Variants in GABRA2 observed in about 807,000 individuals in gnomAD.
The protein encoded by GABRA2 is gamma-aminobutyric acid type A receptor subunit alpha2.
GABRA2 carries 16 observed loss-of-function variants against 48.7 expected under a neutral mutation model. The observed-to-expected ratio is 0.33, with a 90% CI of 0.22 to 0.50. The LOEUF (loss-of-function observed/expected upper bound fraction) is 0.50. Ranked by LOEUF, GABRA2 falls within the 20% of genes least tolerant of loss-of-function variation. The probability of loss-of-function intolerance (pLI) is 0.98; values close to 1 mark genes in which losing one functional copy is unlikely to be tolerated. For missense variants in GABRA2, 275 were observed against 535.6 expected (o/e 0.51, Z 4.80); for synonymous variants, 185 against 184.5 (o/e 1.00, Z -0.02).
At chr4:46,308,607 A>G (rs561404529) in intron 6 of GABRA2, among the ~76,000 whole-genome samples, 30 of 152,338 alleles carry the variant, frequency 2.0e-4, no homozygotes, top group South Asian at 4.1e-4. Flanking sequence ...AGTGTCAGAA[A>G]ATAAATGTGA....
chr4:46,345,952 G>A (rs947577422), intron 3 of GABRA2, among the ~76,000 whole-genome samples: 1 of 151,878 alleles, frequency 6.6e-6, no homozygotes, highest in Non-Finnish European at 1.5e-5. Flanking sequence ...AGTAAATCAG[G>A]CTGTAGATGA....
intron 3 of GABRA2, among the ~76,000 whole-genome samples, chr4:46,377,160 G>C (rs565092633): frequency 2.6e-5 from 4 of 151,418 alleles, no homozygotes; most frequent in Non-Finnish European, 5.9e-5. Flanking sequence ...CCGCCACCCC[G>C]TCTGGGAAGT....
At position 46,246,158 on chromosome 4, in the gene GABRA2, T is replaced by C. The variant is rs1479642414; in HGVS notation, c.*4150A>G. On this transcript the variant is annotated 3_prime_UTR_variant, in exon 10 of 10. Coordinates refer to ENST00000381620, the MANE Select transcript of GABRA2 (RefSeq NM_000807.4). The stretch of plus-strand genomic sequence containing the variant: ...TGTGTGTCTACATATGTATAATTTA[T>C]CTACTTTCTCGGAAGTTAAAAAGGG... Among the ~76,000 whole-genome samples, 7 of 151,116 alleles carry C rather than the reference T, an allele frequency of 4.6e-5. No individual in the cohort carries two copies. The Admixed American group carries it at 4.6e-4, about 10-fold the overall frequency.
chr4:46,370,076 A>C (rs182849958), intron 3 of GABRA2, among the ~76,000 whole-genome samples: 1 of 152,234 alleles, frequency 6.6e-6, no homozygotes, highest in Non-Finnish European at 1.5e-5. Flanking sequence ...AGATGGAACC[A>C]AAAAAGTGAA....
At chr4:46,260,033 T>C (rs1464602791) in intron 9 of GABRA2, among the ~76,000 whole-genome samples, 3 of 151,108 alleles carry the variant, frequency 2.0e-5, no homozygotes, top group South Asian at 2.1e-4. Flanking sequence ...CATTATAAGT[T>C]TTTTTTTTAC....
chr4:46,313,193 A>ATTTTT (rs1727964861), intron 4 of GABRA2, among the ~76,000 whole-genome samples: 13 of 150,604 alleles, frequency 8.6e-5, no homozygotes, highest in African/African-American at 3.1e-4. Flanking sequence ...AACATAACAG[A>ATTTTT]AAAAATTAAA....
intron 5 of GABRA2, among the ~76,000 whole-genome samples, chr4:46,311,414 T>C: frequency 6.6e-6 from 1 of 152,224 alleles, no homozygotes; most frequent in East Asian, 1.9e-4. Context: ...CGTGTTTCTG[T>C]CTATATATAA....
In GABRA2 at chr4:46,245,638, A is replaced by G. The variant is rs969005574; in HGVS notation, c.*4670T>C. On this transcript the variant is annotated 3_prime_UTR_variant, in exon 10 of 10. Transcript: ENST00000381620. Reference sequence around the variant, plus strand: ...TCCATTAATAAAACAAATTGTTTAGATATCATAAATTTATCTGAATTTCTC... The same window carrying G: ...TCCATTAATAAAACAAATTGTTTAGGTATCATAAATTTATCTGAATTTCTC... 6.6e-6 allele frequency among the ~76,000 whole-genome samples: 1 copy of G among 151,298 alleles called. No individual in the cohort carries two copies. The highest frequency in any genetic ancestry group is 1.5e-5 in the Non-Finnish European group (1 of 67,490).
intron 9 of GABRA2, chr4:46,260,963 C>T (rs1475206790): frequency 2.0e-5 from 3 of 151,802 alleles, no homozygotes; most frequent in Non-Finnish European, 2.9e-5. Context: ...AAAATATATT[C>T]AAATAACTGA....
chr4:46,250,909 G>A (rs912791347), intron 9 of GABRA2, among the ~76,000 whole-genome samples: 2 of 151,512 alleles, frequency 1.3e-5, no homozygotes, highest in Non-Finnish European at 3.0e-5. Context: ...TTTCTCATGA[G>A]TCAGTCAAGT....
intron 8 of GABRA2, among the ~76,000 whole-genome samples, chr4:46,278,044 AT>A (rs1430901775): frequency 7.9e-5 from 12 of 152,200 alleles, no homozygotes; most frequent in Admixed American, 2.0e-4. Context: ...GATATAAAAA[AT>A]GTAAGAAGTA....
chr4:46,389,857 GA>G lies in GABRA2; in HGVS notation c.-134del, dbSNP rs1718017176. The stretch of plus-strand genomic sequence containing the variant: ...AGAGAGAGAGAGAGAGAGAGAGAGA[GA>G]GAGACCGAGACTGCAGCAGCCAAGA... On this transcript the variant is annotated 5_prime_UTR_variant, in exon 1 of 10. Coordinates refer to ENST00000381620, the MANE Select transcript of GABRA2 (RefSeq NM_000807.4). 1 of 958,266 alleles carries G rather than the reference GA, an allele frequency of 1.0e-6. No individual in the cohort carries two copies. Among genetic ancestry groups the G allele is most frequent in the African/African-American group, 1.9e-5 (1 of 52,020 alleles). 59.4% of individuals were successfully genotyped at this position (958,266 alleles called of 1,614,324 possible).
At chr4:46,357,266 TAATCTGATCTCTGGA>T (rs539762892) in intron 3 of GABRA2, among the ~76,000 whole-genome samples, 1 of 151,710 alleles carries the variant, frequency 6.6e-6, no homozygotes, top group Admixed American at 6.6e-5. Context: ...ATAAAACTGA[TAATCTGATCTCTGGA>T]AGTCTGCTTT....
At chr4:46,390,163 A>AG, upstream of GABRA2, 1 of 377,632 alleles carries the variant, frequency 2.6e-6, no homozygotes, top group Non-Finnish European at 3.6e-6. Context: ...AGGAGGGCTA[A>AG]GGAGGTTCCC....
chr4:46,288,569 T>A (rs1161021122), intron 8 of GABRA2, among the ~76,000 whole-genome samples: 2 of 152,096 alleles, frequency 1.3e-5, no homozygotes, highest in African/African-American at 4.8e-5. Context: ...TAACTCAAGA[T>A]GGATCAAAGA....
chr4:46,368,105 A>G (rs990053725), intron 3 of GABRA2: 2 of 152,086 alleles, frequency 1.3e-5, no homozygotes, highest in African/African-American at 4.8e-5. Context: ...GAAGACATAA[A>G]AGAGAGCCCA....
At chr4:46,287,740 T>C (rs1722832490) in intron 8 of GABRA2, among the ~76,000 whole-genome samples, 1 of 151,730 alleles carries the variant, frequency 6.6e-6, no homozygotes, top group Non-Finnish European at 1.5e-5. Context: ...GTAACTAACC[T>C]GCACATTGTG....
chr4:46,289,900 T>G (rs1259204109), intron 8 of GABRA2, among the ~76,000 whole-genome samples: 1 of 147,548 alleles, frequency 6.8e-6, no homozygotes. Flanking sequence ...TATTTATTTA[T>G]TTATTTATTT....
chr4:46,332,627 T>C lies in GABRA2; in HGVS notation c.243A>G (p.Ser81=). The C allele has an allele frequency of 6.3e-7, 1 of 1,593,102 alleles. No individual in the cohort carries two copies. The highest frequency in any genetic ancestry group is 8.6e-7 in the Non-Finnish European group (1 of 1,161,192). Residue 81 remains serine (S), a synonymous_variant, in exon 4 of 10, where the codon TCA becomes TCG. Coordinates refer to ENST00000381620, the MANE Select transcript of GABRA2 (RefSeq NM_000807.4). ...ATGAAAAACTCACCATATCTGTATC[T>C]GAGACAGGGCCAAAACTGGTCACGT... ...NIYVTSFGPV[S]DTDMEYTIDV...
Sources: allele counts gnomAD v4.1 joint callset (sites outside exome capture counted in the v4.1 genomes callset), GRCh38; gene constraint gnomAD v4.1.1; transcripts MANE v1.5; gene names NCBI Gene and HGNC (gene_info 2026-07-23, HGNC 2026-07-21).